Variants in SYNPR observed in about 807,000 individuals in gnomAD.
SYNPR encodes synaptoporin.
A neutral mutation model predicts 32.9 loss-of-function variants in SYNPR; 23 were observed. That is an observed-to-expected ratio of 0.70 (90% CI 0.50 to 0.99). The LOEUF (loss-of-function observed/expected upper bound fraction) is 0.99, where lower values mean the gene tolerates loss of function less well. SYNPR is among the 50% of genes least tolerant of loss of function. SYNPR has a pLI of 0.00. For missense variants in SYNPR, 318 were observed against 349.3 expected (o/e 0.91, Z 0.71); for synonymous variants, 146 against 135.9 (o/e 1.07, Z -0.52).
intron 2 of SYNPR, among the ~76,000 whole-genome samples, chr3:63,467,354 T>A (rs1031846236): frequency 6.6e-6 from 1 of 152,190 alleles, no homozygotes; most frequent in Admixed American, 6.5e-5. Context: ...ATTTACCAGT[T>A]TTTAAACTAA....
chr3:63,559,292 G>T (rs1222875779), intron 4 of SYNPR, among the ~76,000 whole-genome samples: 8 of 151,908 alleles, frequency 5.3e-5, no homozygotes, highest in Admixed American at 4.6e-4. Flanking sequence ...TGCCCAGGCT[G>T]GTCTTGAGCT....
chr3:63,306,393 G>A (rs1012180218), intron 2 of SYNPR, among the ~76,000 whole-genome samples: 5 of 151,882 alleles, frequency 3.3e-5, no homozygotes, highest in African/African-American at 1.2e-4. Flanking sequence ...AGATTAAAGA[G>A]GCTGTCATTA....
At chr3:63,458,356 T>C (rs574853838) in intron 2 of SYNPR, among the ~76,000 whole-genome samples, 12 of 152,144 alleles carry the variant, frequency 7.9e-5, no homozygotes, top group Non-Finnish European at 1.6e-4. Flanking sequence ...CTTAGCTGGG[T>C]AGCATGTCTG....
At chr3:63,434,850 T>G (rs1376474) in intron 2 of SYNPR, among the ~76,000 whole-genome samples, 17,486 of 152,188 alleles carry the variant, frequency 0.11, 1,952 homozygotes, top group African/African-American at 0.29. Context: ...ATAGGCATCA[T>G]AAAAGTCATT....
chr3:63,485,467 G>T (rs1473381155), intron 3 of SYNPR, among the ~76,000 whole-genome samples: 2 of 152,162 alleles, frequency 1.3e-5, no homozygotes, highest in Non-Finnish European at 2.9e-5. Context: ...CCAAGAAAAA[G>T]CCATCGAATA....
intron 2 of SYNPR, among the ~76,000 whole-genome samples, chr3:63,320,106 T>C (rs534576499): frequency 6.6e-6 from 1 of 152,084 alleles, no homozygotes; most frequent in Non-Finnish European, 1.5e-5. Context: ...TGCAGCACCA[T>C]ACCTGGCTAA....
chr3:63,291,003 T>G (rs994709383), intron 2 of SYNPR, among the ~76,000 whole-genome samples: 1 of 152,214 alleles, frequency 6.6e-6, no homozygotes, highest in African/African-American at 2.4e-5. Flanking sequence ...AGAAAATTAC[T>G]GAGCACAAAC....
chr3:63,264,313 G>T (rs1486966061), intron 2 of SYNPR, among the ~76,000 whole-genome samples: 1 of 152,130 alleles, frequency 6.6e-6, no homozygotes, highest in Non-Finnish European at 1.5e-5. Context: ...ACAGTGAAAA[G>T]ATTAGCAGAT....
the SYNPR span, among the ~76,000 whole-genome samples, chr3:63,218,820 T>C: frequency 6.6e-6 from 1 of 152,206 alleles, no homozygotes; most frequent in Non-Finnish European, 1.5e-5. Context: ...GGCTGAAAGA[T>C]ATTATGTTAA....
At chr3:63,296,796 A>T (rs2086795144) in intron 2 of SYNPR, among the ~76,000 whole-genome samples, 2 of 152,194 alleles carry the variant, frequency 1.3e-5, no homozygotes, top group Admixed American at 1.3e-4. Context: ...TATAATTTAA[A>T]TAATCAATAA....
chr3:63,476,593 G>A (rs981577387), intron 2 of SYNPR, among the ~76,000 whole-genome samples: 3 of 152,000 alleles, frequency 2.0e-5, no homozygotes, highest in African/African-American at 7.2e-5. Flanking sequence ...AACTCTTACC[G>A]ATGTGGCAAA....
intron 2 of SYNPR, chr3:63,426,569 C>T (rs1034495721): frequency 3.3e-5 from 5 of 152,140 alleles, no homozygotes; most frequent in Non-Finnish European, 5.9e-5. Flanking sequence ...AGGTGCAATT[C>T]ATGAACATAC....
chr3:63,346,786 C>G (rs374215030), intron 2 of SYNPR, among the ~76,000 whole-genome samples: 54 of 152,262 alleles, frequency 3.5e-4, no homozygotes, highest in African/African-American at 1.2e-3. Context: ...ATTTGCCTCT[C>G]TTTTTACCAA....
chr3:63,445,145 T>C (rs978255048), intron 2 of SYNPR, among the ~76,000 whole-genome samples: 8 of 152,056 alleles, frequency 5.3e-5, no homozygotes, highest in Non-Finnish European at 1.2e-4. Flanking sequence ...CTGTAACAGG[T>C]TGTATGTGAA....
intron 2 of SYNPR, among the ~76,000 whole-genome samples, chr3:63,478,216 T>C (rs555886484): frequency 2.6e-5 from 4 of 152,366 alleles, no homozygotes; most frequent in South Asian, 2.1e-4. Context: ...TATCATTCCT[T>C]CTTAAGTTTA....
At chr3:63,372,360 A>G (rs6802798) in intron 2 of SYNPR, among the ~76,000 whole-genome samples, 1 of 151,096 alleles carries the variant, frequency 6.6e-6, no homozygotes, top group East Asian at 2.0e-4. Context: ...GGCTCTGTGT[A>G]TCTCTGAGAG....
intron 2 of SYNPR, among the ~76,000 whole-genome samples, chr3:63,478,714 C>T (rs948889464): frequency 7.9e-5 from 12 of 152,108 alleles, no homozygotes; most frequent in African/African-American, 2.9e-4. Context: ...GTTTTCTCAG[C>T]GATTCAGAGA....
the SYNPR span, among the ~76,000 whole-genome samples, chr3:63,222,122 A>T: frequency 1.3e-5 from 2 of 148,312 alleles, no homozygotes; most frequent in Admixed American, 6.8e-5. Context: ...TTTTGAGAAG[A>T]CCCTTTAAGC....
chr3:63,418,647 A>G lies in SYNPR; in HGVS notation c.85-62185A>G, dbSNP rs552041251. Among the ~76,000 whole-genome samples the G allele has an allele frequency of 4.6e-5, 7 of 152,346 alleles. No individual in the cohort carries two copies. The South Asian group carries it at 1.5e-3, about 32-fold the overall frequency. ...CAACTATGGTGGAAAACAAAGAGGAACAAGCCACGTCTTACACAACATGGC... is the reference window on the plus strand; with the variant it reads ...CAACTATGGTGGAAAACAAAGAGGAGCAAGCCACGTCTTACACAACATGGC... On this transcript the variant is annotated intron_variant, in intron 2 of 5. Coordinates refer to ENST00000478300, the MANE Select transcript of SYNPR (RefSeq NM_001130003.2).
Sources: allele counts gnomAD v4.1 joint callset (sites outside exome capture counted in the v4.1 genomes callset), GRCh38; gene constraint gnomAD v4.1.1; transcripts MANE v1.5; gene names NCBI Gene and HGNC (gene_info 2026-07-23, HGNC 2026-07-21).